Variants in ANK2 observed in about 807,000 individuals in gnomAD.
The protein encoded by ANK2 is ankyrin-2.
Under a neutral mutation model 360.5 loss-of-function variants are expected in ANK2, and 83 were observed. That is an observed-to-expected ratio of 0.23 (90% CI 0.19 to 0.28). The LOEUF is 0.28. Among genes scored for constraint, ANK2 ranks in the 10% least tolerant of loss-of-function variants. The pLI, the probability that ANK2 is intolerant of heterozygous loss-of-function variation, is 1.00. For synonymous variants in ANK2, 1,740 were observed against 1,759.5 expected, an observed-to-expected ratio of 0.99 and a Z score of 0.28; for missense variants, 4,201 against 4,795.7, an observed-to-expected ratio of 0.88 and a Z score of 3.66.
intron 4 of ANK2, among the ~76,000 whole-genome samples, chr4:113,224,047 G>T (rs1447887299): frequency 5.9e-5 from 9 of 152,150 alleles, no homozygotes; most frequent in African/African-American, 2.2e-4. Context: ...ATTTCCTTCA[G>T]AGAAGATGAT....
At chr4:113,315,097 T>C (rs2082053920) in intron 24 of ANK2, among the ~76,000 whole-genome samples, 1 of 152,266 alleles carries the variant, frequency 6.6e-6, no homozygotes, top group African/African-American at 2.4e-5. Flanking sequence ...ATTTCTTTCC[T>C]GTTGGGGTTT....
At chr4:112,726,108 AAG>A in the ANK2 span, among the ~76,000 whole-genome samples, 1 of 152,104 alleles carries the variant, frequency 6.6e-6, no homozygotes, top group Admixed American at 6.6e-5. Context: ...CATCTGGGGA[AAG>A]AGCATTTCAG....
chr4:112,766,044 A>G, the ANK2 span, among the ~76,000 whole-genome samples: 6 of 152,138 alleles, frequency 3.9e-5, no homozygotes, highest in African/African-American at 1.4e-4. Flanking sequence ...CTTAATAAAT[A>G]TTTGTTGCAG....
intron 1 of ANK2, among the ~76,000 whole-genome samples, chr4:113,134,547 G>C (rs2096277032): frequency 6.6e-6 from 1 of 151,898 alleles, no homozygotes; most frequent in Non-Finnish European, 1.5e-5. Context: ...TGTTCTCCTT[G>C]TTCCAGAGCA....
chr4:112,706,021 T>C, the ANK2 span, among the ~76,000 whole-genome samples: 1 of 149,868 alleles, frequency 6.7e-6, no homozygotes, highest in Non-Finnish European at 1.5e-5. Flanking sequence ...CCGGGGCGGG[T>C]CCGCGGGGCG....
rs535529142 is a variant in ANK2 at position 112,924,152 on chromosome 4, G to A, written c.21+19638G>A. On this transcript the variant is annotated intron_variant, in intron 2 of 30. Transcript: ENST00000503271. ...TGGGAGGCCGAGGCGTGGGGATCAC[G>A]AGGTCAGGAGTTCAAGACCAGCCTG... Among the ~76,000 whole-genome samples the A allele has an allele frequency of 5.3e-5, 8 of 152,160 alleles. No homozygotes were observed. In the East Asian group the frequency reaches 5.8e-4, roughly 11 times the overall value.
intron 1 of ANK2, among the ~76,000 whole-genome samples, chr4:112,832,738 T>C (rs1579282448): frequency 1.3e-5 from 2 of 152,250 alleles, no homozygotes; most frequent in African/African-American, 2.4e-5. Context: ...TCTACTGTTA[T>C]GCACTATTGC....
At chr4:113,093,853 G>A (rs917614210) in intron 1 of ANK2, among the ~76,000 whole-genome samples, 1 of 152,134 alleles carries the variant, frequency 6.6e-6, no homozygotes, top group African/African-American at 2.4e-5. Context: ...ACTGGAATTT[G>A]TTGCTTCCCT....
chr4:113,181,245 G>A (rs924305199), intron 2 of ANK2, among the ~76,000 whole-genome samples: 2 of 152,096 alleles, frequency 1.3e-5, no homozygotes, highest in Admixed American at 6.5e-5. Flanking sequence ...AGTACTCTCC[G>A]CAGTGGTTTA....
At chr4:112,729,662 C>G in the ANK2 span, among the ~76,000 whole-genome samples, 1 of 150,864 alleles carries the variant, frequency 6.6e-6, no homozygotes, top group Non-Finnish European at 1.5e-5. Flanking sequence ...GCAGGAGAGT[C>G]ACTTGAACCC....
intron 7 of ANK2, 85 bp downstream of exon 7, chr4:113,237,707 C>A: frequency 8.2e-7 from 1 of 1,221,458 alleles, no homozygotes; most frequent in Non-Finnish European, 1.2e-6. Flanking sequence ...CTAATTCATA[C>A]TAATGATTAG....
intron 4 of ANK2, among the ~76,000 whole-genome samples, chr4:113,212,847 A>C (rs207464976): frequency 6.6e-6 from 1 of 152,240 alleles, no homozygotes; most frequent in Non-Finnish European, 1.5e-5. Context: ...AAGACCAGCC[A>C]TTCTGTATGC....
At chr4:112,919,999 A>G (rs2091037848) in intron 2 of ANK2, among the ~76,000 whole-genome samples, 1 of 151,968 alleles carries the variant, frequency 6.6e-6, no homozygotes, top group South Asian at 2.1e-4. Context: ...TAATAACATT[A>G]TGGAATTTTA....
intron 1 of ANK2, among the ~76,000 whole-genome samples, chr4:112,864,937 C>T (rs930929634): frequency 4.2e-5 from 6 of 143,642 alleles, no homozygotes; most frequent in African/African-American, 1.5e-4. Context: ...GAGGCTGAGG[C>T]AGGAGAATGG....
intron 18 of ANK2, among the ~76,000 whole-genome samples, chr4:113,284,927 AG>A (rs1425341781): frequency 6.6e-6 from 1 of 152,200 alleles, no homozygotes; most frequent in East Asian, 1.9e-4. Flanking sequence ...TTTCTTTTTA[AG>A]GCCAACTCAA....
At chr4:113,340,968 G>A (rs569999760) in intron 32 of ANK2, among the ~76,000 whole-genome samples, 122 of 152,296 alleles carry the variant, frequency 8.0e-4, no homozygotes, top group Non-Finnish European at 1.5e-3. Flanking sequence ...CTCTCTTAGG[G>A]CCTGTGGTGA....
chr4:112,900,747 T>G (rs1373326763), intron 1 of ANK2, among the ~76,000 whole-genome samples: 1 of 152,218 alleles, frequency 6.6e-6, no homozygotes, highest in East Asian at 1.9e-4. Flanking sequence ...AAAACTCAGC[T>G]TAAGTTTCAT....
chr4:113,116,701 CA>C (rs2094824247), intron 1 of ANK2, among the ~76,000 whole-genome samples: 1 of 150,474 alleles, frequency 6.6e-6, no homozygotes, highest in African/African-American at 2.4e-5. Flanking sequence ...AGTAGCACGG[CA>C]GCAGCAGCAG....
intron 1 of ANK2, among the ~76,000 whole-genome samples, chr4:112,888,791 G>A (rs959569755): frequency 1.5e-4 from 23 of 152,298 alleles, no homozygotes; most frequent in Middle Eastern, 3.4e-3. Flanking sequence ...GGTCCAAGTT[G>A]AATGGCGAAG....
Sources: allele counts gnomAD v4.1 joint callset (sites outside exome capture counted in the v4.1 genomes callset), GRCh38; gene constraint gnomAD v4.1.1; transcripts MANE v1.5; gene names NCBI Gene and HGNC (gene_info 2026-07-23, HGNC 2026-07-21).